WDR72: variants seen among roughly 807,000 people sequenced by gnomAD.
WDR72 encodes WD repeat-containing protein 72.
Under a neutral mutation model 124.2 loss-of-function variants are expected in WDR72, and 120 were observed. That is an observed-to-expected ratio of 0.97 (90% CI 0.83 to 1.12). WDR72 has a LOEUF of 1.12. Among genes scored for constraint, WDR72 ranks in the 50% most tolerant of loss-of-function variants. The pLI is 0.00. For missense variants in WDR72, 1,387 were observed against 1,278.8 expected, an observed-to-expected ratio of 1.08 and a Z score of -1.29; for synonymous variants, 452 against 441.7, an observed-to-expected ratio of 1.02 and a Z score of -0.29.
intron 13 of WDR72, among the ~76,000 whole-genome samples, chr15:53,698,280 T>C (rs1189921711): frequency 6.6e-6 from 1 of 152,198 alleles, no homozygotes; most frequent in Non-Finnish European, 1.5e-5. Flanking sequence ...CAGATATTTA[T>C]TTATTCTTGC....
intron 14 of WDR72, among the ~76,000 whole-genome samples, chr15:53,644,953 C>T (rs1476217850): frequency 6.6e-6 from 1 of 152,104 alleles, no homozygotes; most frequent in African/African-American, 2.4e-5. Context: ...TGTTAGAGTA[C>T]CTTTTTGCTT....
At chr15:53,594,789 C>T (rs933201901) in intron 18 of WDR72, among the ~76,000 whole-genome samples, 11 of 151,200 alleles carry the variant, frequency 7.3e-5, no homozygotes, top group Non-Finnish European at 8.8e-5. Context: ...CTGCACCCCC[C>T]ACCCCCCCAA....
chr15:53,720,342 C>T (rs1295163125), intron 3 of WDR72, among the ~76,000 whole-genome samples: 1 of 152,074 alleles, frequency 6.6e-6, no homozygotes, highest in South Asian at 2.1e-4. Flanking sequence ...TGACCAGAAT[C>T]GCGTGTGTGT....
chr15:53,582,665 CTGCTAAATATAAAAATGA>C (rs1387456175), intron 18 of WDR72, among the ~76,000 whole-genome samples: 1 of 151,936 alleles, frequency 6.6e-6, no homozygotes, highest in Non-Finnish European at 1.5e-5. Flanking sequence ...TACATTTTAA[CTGCTAAATATAAAAATGA>C]TTTGTGTTTG....
intron 13 of WDR72, among the ~76,000 whole-genome samples, chr15:53,685,065 C>A (rs1462814550): frequency 6.6e-6 from 1 of 152,060 alleles, no homozygotes; most frequent in Non-Finnish European, 1.5e-5. Context: ...ATCTGTACAT[C>A]ACCATCATCA....
intron 14 of WDR72, among the ~76,000 whole-genome samples, chr15:53,647,919 A>G (rs2015099480): frequency 6.6e-6 from 1 of 152,128 alleles, no homozygotes; most frequent in East Asian, 1.9e-4. Flanking sequence ...CTGAAATGCC[A>G]AAGTTGAAAT....
chr15:53,609,695 T>C, intron 16 of WDR72, 103 bp from the exon 17 acceptor site: 1 of 941,192 alleles, frequency 1.1e-6, no homozygotes, highest in South Asian at 1.4e-5. Flanking sequence ...CTTTGTTTTT[T>C]ATAAACACCA....
At chr15:53,730,784 C>A (rs540730872) in intron 2 of WDR72, among the ~76,000 whole-genome samples, 2 of 152,090 alleles carry the variant, frequency 1.3e-5, no homozygotes, top group Non-Finnish European at 2.9e-5. Context: ...TTTATATACA[C>A]ATTTTTTAAA....
intron 2 of WDR72, among the ~76,000 whole-genome samples, chr15:53,729,510 C>A (rs2018138348): frequency 6.6e-6 from 1 of 150,672 alleles, no homozygotes; most frequent in Non-Finnish European, 1.5e-5. Flanking sequence ...ACAAAACTTA[C>A]AAACCCCTCA....
chr15:53,551,453 A>C (rs762249965), intron 18 of WDR72, among the ~76,000 whole-genome samples: 1 of 152,124 alleles, frequency 6.6e-6, no homozygotes, highest in Non-Finnish European at 1.5e-5. Context: ...TCTTTCCAGC[A>C]CCTTCTCTGG....
At chr15:53,739,176 G>A (rs2140631412) in intron 1 of WDR72, among the ~76,000 whole-genome samples, 1 of 152,160 alleles carries the variant, frequency 6.6e-6, no homozygotes, top group African/African-American at 2.4e-5. Context: ...AGAGACAGAA[G>A]GAGAATGAAG....
intron 13 of WDR72, among the ~76,000 whole-genome samples, chr15:53,685,657 A>G (rs2016593711): frequency 1.3e-5 from 2 of 151,208 alleles, no homozygotes; most frequent in African/African-American, 2.4e-5. Context: ...ATCCAGGAGA[A>G]CTTCCCCAAT....
At chr15:53,521,586 T>TTGA (rs1420184753) in intron 19 of WDR72, among the ~76,000 whole-genome samples, 15 of 152,218 alleles carry the variant, frequency 9.9e-5, no homozygotes, top group Middle Eastern at 3.4e-3. Flanking sequence ...TCTTTCTTTC[T>TTGA]TGATAAACAC....
intron 18 of WDR72, among the ~76,000 whole-genome samples, chr15:53,523,597 G>C (rs1409420982): frequency 6.6e-6 from 1 of 152,000 alleles, no homozygotes; most frequent in African/African-American, 2.4e-5. Context: ...TGATCTCTTC[G>C]AAGTAGAAAT....
intron 18 of WDR72, among the ~76,000 whole-genome samples, chr15:53,545,461 T>C (rs1409638934): frequency 6.6e-6 from 1 of 150,724 alleles, no homozygotes; most frequent in Admixed American, 6.6e-5. Context: ...GCTAGCCATA[T>C]GTAGAAAGCT....
chr15:53,674,030 T>C (rs540436898), intron 13 of WDR72, among the ~76,000 whole-genome samples: 3 of 152,164 alleles, frequency 2.0e-5, no homozygotes, highest in African/African-American at 7.2e-5. Flanking sequence ...ACTAATCACA[T>C]AATAGGATAG....
intron 13 of WDR72, among the ~76,000 whole-genome samples, chr15:53,668,962 AAGGAGGAGGAGG>A (rs1276815558): frequency 6.4e-5 from 1 of 15,556 alleles, no homozygotes; most frequent in African/African-American, 1.1e-4. Context: ...GGAGGAGGAG[AAGGAGGAGGAGG>A]AGGAGAAGGA....
At chr15:53,712,468 C>A (rs1056359360) in intron 7 of WDR72, among the ~76,000 whole-genome samples, 8 of 151,956 alleles carry the variant, frequency 5.3e-5, no homozygotes, top group African/African-American at 1.9e-4. Flanking sequence ...TGGTGGCATG[C>A]GCCTATAATC....
chr15:53,547,560 A>G (rs1893536526), intron 18 of WDR72, among the ~76,000 whole-genome samples: 1 of 152,178 alleles, frequency 6.6e-6, no homozygotes, highest in Non-Finnish European at 1.5e-5. Context: ...TGGTTGTAAG[A>G]GCTAAATATT....
Sources: allele counts gnomAD v4.1 joint callset (sites outside exome capture counted in the v4.1 genomes callset), GRCh38; gene constraint gnomAD v4.1.1; transcripts MANE v1.5; gene names NCBI Gene and HGNC (gene_info 2026-07-23, HGNC 2026-07-21).